MTHFSD: variants seen among roughly 807,000 people sequenced by gnomAD.
MTHFSD encodes the protein methenyltetrahydrofolate synthase domain-containing protein.
A neutral mutation model predicts 31.1 loss-of-function variants in MTHFSD; 37 were observed. The observed-to-expected ratio is 1.19, with a 90% confidence interval of 0.91 to 1.56. MTHFSD has a LOEUF of 1.56. MTHFSD is among the 40% of genes most tolerant of loss of function. The pLI, the probability that MTHFSD is intolerant of heterozygous loss-of-function variation, is 0.00. For missense variants in MTHFSD, 664 were observed against 510.1 expected, an observed-to-expected ratio of 1.30 and a Z score of -2.91; for synonymous variants, 221 against 206.9, an observed-to-expected ratio of 1.07 and a Z score of -0.59.
intron 6 of MTHFSD, 46 bp from the exon 7 acceptor site, chr16:86,541,868 G>A (rs1159994895): frequency 3.7e-6 from 6 of 1,610,024 alleles, no homozygotes; most frequent in East Asian, 4.5e-5. Context: ...GAATGCCACT[G>A]CAGTCGTGCA....
chr16:86,551,916 G>C, intron 3 of MTHFSD, 117 bp downstream of exon 3: 2 of 1,510,306 alleles, frequency 1.3e-6, no homozygotes, highest in Non-Finnish European at 1.8e-6. Context: ...TGTATTGGAG[G>C]GAATCGGAAG....
chr16:86,534,891 T>C (rs911992582), intron 7 of MTHFSD, among the ~76,000 whole-genome samples: 3 of 152,034 alleles, frequency 2.0e-5, no homozygotes, highest in Admixed American at 1.3e-4. Context: ...TCTGATGGGG[T>C]CCATCGGGAG....
At chr16:86,548,131 T>G in intron 4 of MTHFSD, 2 of 1,300,212 alleles carry the variant, frequency 1.5e-6, no homozygotes, top group South Asian at 2.5e-5. Flanking sequence ...AGGCCGGGAA[T>G]AAGAAAAAGC....
chr16:86,548,090 T>C (rs1405145187), intron 4 of MTHFSD: 1 of 1,292,578 alleles, frequency 7.7e-7, no homozygotes, highest in Non-Finnish European at 1.0e-6. Context: ...CTATCCTGTC[T>C]CCCCAGTCGC....
intron 7 of MTHFSD, chr16:86,535,103 T>G: frequency 2.4e-6 from 1 of 424,792 alleles, no homozygotes; most frequent in Non-Finnish European, 3.1e-6. Context: ...GCTCCTTTAT[T>G]CTGAGCCAGC....
chr16:86,555,096 C>G, intron 1 of MTHFSD, 73 bp downstream of exon 1: 1 of 1,518,072 alleles, frequency 6.6e-7, no homozygotes, highest in South Asian at 1.2e-5. Context: ...CCGGTGGCCC[C>G]GCCTCGACCC....
At chr16:86,540,167 T>C (rs1971296365) in intron 7 of MTHFSD, among the ~76,000 whole-genome samples, 1 of 152,212 alleles carries the variant, frequency 6.6e-6, no homozygotes, top group Non-Finnish European at 1.5e-5. Flanking sequence ...TGATTTCCTC[T>C]GACCATGCAA....
chr16:86,545,658 C>T (rs1268724672), intron 5 of MTHFSD, among the ~76,000 whole-genome samples: 7 of 152,158 alleles, frequency 4.6e-5, no homozygotes, highest in Non-Finnish European at 1.0e-4. Context: ...GCACGTCCCT[C>T]CTCAGACTCC....
intron 6 of MTHFSD, 126 bp from the exon 7 acceptor site, chr16:86,541,948 C>G: frequency 7.0e-7 from 1 of 1,421,734 alleles, no homozygotes; most frequent in South Asian, 1.3e-5. Context: ...GGGGCTAAGG[C>G]TTAGCCGCTG....
intron 1 of MTHFSD, chr16:86,554,954 T>C (rs1973871985): frequency 8.3e-7 from 1 of 1,211,090 alleles, no homozygotes; most frequent in African/African-American, 1.5e-5. Flanking sequence ...CGTCTTCTCG[T>C]TATCTTTATT....
In MTHFSD at chr16:86,555,180, T is replaced by A; in HGVS notation, c.5A>T (p.Glu2Val). M[E>V]PRAVGVSKQD... ...GCCAGGCCCCCCACCTGCCCTCGGC[T>A]CCATGGTGATGCAGTCGCTGTGCGA... is the stretch of plus-strand genomic sequence containing the variant. The change falls in exon 1 of 8, where the codon GAG (glutamate) becomes GTG (valine). Residue 2 changes from glutamate (E) to valine (V), a missense_variant. Transcript: ENST00000360900. The A allele has an allele frequency of 2.0e-6, 3 of 1,536,876 alleles. No individual in the cohort carries two copies. The highest frequency in any genetic ancestry group is 2.6e-6 in the Non-Finnish European group (3 of 1,146,594).
At chr16:86,535,544 G>T in intron 7 of MTHFSD, 2 of 982,702 alleles carry the variant, frequency 2.0e-6, no homozygotes, top group Non-Finnish European at 2.4e-6. Flanking sequence ...AATTATGCTT[G>T]TTACTCAAAC....
intron 4 of MTHFSD, 121 bp from the exon 5 acceptor site, chr16:86,546,770 C>G: frequency 1.2e-6 from 1 of 802,994 alleles, no homozygotes; most frequent in Middle Eastern, 2.3e-4. Flanking sequence ...TGCAGGCACA[C>G]GCAACACCGG....
intron 2 of MTHFSD, 142 bp from the exon 3 acceptor site, chr16:86,552,288 G>A (rs1487041855): frequency 1.9e-6 from 3 of 1,575,870 alleles, no homozygotes; most frequent in Non-Finnish European, 1.7e-6. Flanking sequence ...AGCATGAGAA[G>A]CGCCCTGTTT....
In MTHFSD at chr16:86,531,041, C is replaced by G. The variant is rs1018775703; in HGVS notation, c.*970G>C. On this transcript the variant is annotated 3_prime_UTR_variant, in exon 8 of 8. Coordinates refer to ENST00000360900, the MANE Select transcript of MTHFSD (RefSeq NM_001159377.2). This position sits in a 1 kb window ranked among gnomAD's most constrained non-coding sequence, Gnocchi z 5.5. ...AAAGCGCGTGCACGGGCCGCCCTCT[C>G]GAGGCATCGTAATGTGCTTCAAAGA... 1 of 152,178 alleles carries G rather than the reference C, an allele frequency of 6.6e-6. No individual in the cohort carries two copies. The highest frequency in any genetic ancestry group is 1.5e-5 in the Non-Finnish European group (1 of 68,036). 9.4% of individuals were successfully genotyped at this position (152,178 alleles called of 1,614,324 possible).
At chr16:86,541,059 A>G in intron 7 of MTHFSD, 1 of 1,233,256 alleles carries the variant, frequency 8.1e-7, no homozygotes, top group Non-Finnish European at 1.0e-6. Flanking sequence ...TTTGACCAGT[A>G]GTTTTGTCCA....
intron 7 of MTHFSD, among the ~76,000 whole-genome samples, chr16:86,539,896 C>G (rs1449025579): frequency 1.3e-5 from 2 of 152,048 alleles, no homozygotes; most frequent in African/African-American, 4.8e-5. Flanking sequence ...GTAAGATAGC[C>G]AAGAGGTAAA....
At chr16:86,554,834 C>A in intron 1 of MTHFSD, 83 bp from the exon 2 acceptor site, 1 of 1,265,386 alleles carries the variant, frequency 7.9e-7, no homozygotes, top group Non-Finnish European at 1.1e-6. Context: ...GTTAAGCGAC[C>A]CCCGCGTGTA....
chr16:86,554,368 G>C (rs1000874485), intron 2 of MTHFSD, among the ~76,000 whole-genome samples: 1 of 152,142 alleles, frequency 6.6e-6, no homozygotes, highest in African/African-American at 2.4e-5. Context: ...CTTCATTCTT[G>C]AAGTCAGTGA....
Sources: allele counts gnomAD v4.1 joint callset (sites outside exome capture counted in the v4.1 genomes callset), GRCh38; gene constraint gnomAD v4.1.1; non-coding constraint Gnocchi (gnomAD v3.1); transcripts MANE v1.5; gene names NCBI Gene and HGNC (gene_info 2026-07-23, HGNC 2026-07-21).